GRIN1: variants seen among roughly 807,000 people sequenced by gnomAD.
GRIN1 encodes glutamate receptor ionotropic, NMDA 1.
GRIN1 carries 38 observed loss-of-function variants against 103.0 expected under a neutral mutation model. The observed-to-expected ratio is 0.37, with a 90% CI of 0.28 to 0.48. The LOEUF (loss-of-function observed/expected upper bound fraction) is 0.48. GRIN1 is among the 20% of genes least tolerant of loss of function. GRIN1 has a pLI of 0.98. For missense variants in GRIN1, 577 were observed against 1,288.9 expected (o/e 0.45, Z 8.46); for synonymous variants, 544 against 532.7 (o/e 1.02, Z -0.29).
Position 137,167,844 on chromosome 9 carries a change from G to GC in GRIN1, c.*322dup. On this transcript the variant is annotated 3_prime_UTR_variant, in exon 20 of 20. Coordinates refer to ENST00000371561, the MANE Select transcript of GRIN1 (RefSeq NM_007327.4). ...CCCTCGGTCAGCACCGTGGTGTGAG[G>GC]CCCCCGGAGGCGCCCACCTGCCCAG... The GC allele has an allele frequency of 6.2e-7, 1 of 1,611,560 alleles. No individual in the cohort carries two copies.
In GRIN1 at chr9:137,139,379, C is replaced by T. The variant is rs1045864235; in HGVS notation, c.-108C>T. 2 of 682,286 alleles carry T rather than the reference C, an allele frequency of 2.9e-6. No individual in the cohort carries two copies. Among genetic ancestry groups the T allele is most frequent in the African/African-American group, 1.9e-5 (1 of 52,706 alleles). The allele number at this position is 682,286 out of a possible 1,614,324, so 42.3% of individuals were successfully genotyped here. A position where few individuals can be genotyped will look rare whatever the true frequency, so the allele number is the denominator to read the frequency against. ...GCCGCTCCGGGGGAGACGTGGCGTC[C>T]GCAGCCCGCGGGGCCGGGCGAGCGC... On this transcript the variant is annotated 5_prime_UTR_variant, in exon 1 of 20. Coordinates refer to ENST00000371561, the MANE Select transcript of GRIN1 (RefSeq NM_007327.4). This position sits in a 1 kb window ranked among gnomAD's most constrained non-coding sequence, Gnocchi z 7.7.
chr9:137,152,882 G>A (rs1832984020), intron 4 of GRIN1, among the ~76,000 whole-genome samples: 1 of 151,892 alleles, frequency 6.6e-6, no homozygotes, highest in Non-Finnish European at 1.5e-5. Flanking sequence ...GCAGAATCAT[G>A]TACAGGTCAT....
rs1299963594 is a variant in GRIN1 at position 137,145,868 on chromosome 9, G to A, written c.536G>A (p.Arg179His). ...DDHEGRAAQK[R>H]LETLLEERES... ...CACGAGGGCCGGGCGGCTCAGAAAC[G>A]CCTGGAGACGCTGCTGGAGGAGCGT... The change falls in exon 3 of 20, where the codon CGC becomes CAC. Residue 179 changes from arginine to histidine, a missense_variant. This residue lies in a region of GRIN1 where 308 missense variants were observed against 553.6 expected (regional missense o/e 0.56). Coordinates refer to ENST00000371561, the MANE Select transcript of GRIN1 (RefSeq NM_007327.4). 3.7e-6 allele frequency: 6 copies of A among 1,608,660 alleles called. No homozygotes were observed. The highest frequency in any genetic ancestry group is 1.1e-5 in the South Asian group (1 of 90,026).
intron 18 of GRIN1, chr9:137,164,243 C>T: frequency 5.0e-6 from 2 of 402,056 alleles, no homozygotes; most frequent in South Asian, 4.2e-5. Flanking sequence ...CTGTGTATGG[C>T]ACGTGAGTCC....
chr9:137,158,849 A>G (rs1297609410), intron 8 of GRIN1, 145 bp downstream of exon 8: 1 of 687,904 alleles, frequency 1.5e-6, no homozygotes, highest in South Asian at 1.6e-5. Context: ...GACACCGTCC[A>G]GCACACCTGG....
At chr9:137,144,387 G>T (rs558429127) in intron 2 of GRIN1, among the ~76,000 whole-genome samples, 1 of 151,396 alleles carries the variant, frequency 6.6e-6, no homozygotes, top group South Asian at 2.1e-4. Context: ...GGGCGCGGTG[G>T]CTCACGCCTG....
chr9:137,168,242 G>C lies in GRIN1; in HGVS notation c.*715G>C, dbSNP rs199686964. ...CCAGCTGGCTGGGTCGCCCCTCCTC[G>C]GGCGCCTGCGCTCCTCTGCAGCCTG... On this transcript the variant is annotated 3_prime_UTR_variant, in exon 20 of 20. Transcript: ENST00000371561. 8 of 289,424 alleles carry C rather than the reference G, an allele frequency of 2.8e-5. No individual in the cohort carries two copies. Among genetic ancestry groups the C allele is most frequent in the Non-Finnish European group, 4.6e-5 (7 of 153,034 alleles). The allele number at this position is 289,424 out of a possible 1,614,324, so 17.9% of individuals were successfully genotyped here. A position where few individuals can be genotyped will look rare whatever the true frequency, so the allele number is the denominator to read the frequency against.
rs543160973 is a variant in GRIN1 at position 137,154,432 on chromosome 9, CTTTTTTT to C, written c.672-2204_672-2198del. 1.8e-3 allele frequency among the ~76,000 whole-genome samples: 78 copies of C among 42,988 alleles called. 1 individual carries two copies. Among genetic ancestry groups the C allele is most frequent in the East Asian group, 7.1e-3 (7 of 984 alleles). 28.2% of individuals were successfully genotyped at this position (42,988 alleles called of 152,430 possible). ...CAGCCACCACCCCCAGCTCCAACAA[CTTTTTTT>C]TTTTTTTTTTTTTTTTTTTTTTTTT... On this transcript the variant is annotated intron_variant, in intron 4 of 19. Coordinates refer to ENST00000371561, the MANE Select transcript of GRIN1 (RefSeq NM_007327.4).
Position 137,149,888 on chromosome 9 carries a change from T to G in GRIN1, c.671+779T>G, listed in dbSNP as rs114240150. Among the ~76,000 whole-genome samples, 218 of 152,060 alleles carry G rather than the reference T, an allele frequency of 1.4e-3. 1 individual carries two copies. The highest frequency in any genetic ancestry group is 4.9e-3 in the African/African-American group (205 of 41,470). On this transcript the variant is annotated intron_variant, in intron 4 of 19. Transcript: ENST00000371561. ...CAGCCCAGCCCTCCAGCCCTGCATA[T>G]GGGAAAGAGCCGGCGACACTCTCAG...
Position 137,139,559 on chromosome 9 carries a change from A to C in GRIN1, c.73A>C (p.Lys25Gln). 6.2e-7 allele frequency: 1 copy of C among 1,612,720 alleles called. No homozygotes were observed. Among genetic ancestry groups the C allele is most frequent in the Non-Finnish European group, 8.5e-7 (1 of 1,179,778 alleles). ...CSVARAACDP[K>Q]IVNIGAVLST... ...CGTCGCCCGTGCCGCGTGCGACCCC[A>C]AGATCGTCAACATTGGCGCGGTGCT... The change falls in exon 1 of 20, where the codon AAG becomes CAG. Residue 25 changes from lysine (K) to glutamine (Q), a missense_variant. Transcript: ENST00000371561. This position sits in a 1 kb window ranked among gnomAD's most constrained non-coding sequence, Gnocchi z 7.7.
chr9:137,139,604 C>A lies in GRIN1; in HGVS notation c.118C>A (p.Gln40Lys). 6.2e-7 allele frequency: 1 copy of A among 1,613,690 alleles called. No homozygotes were observed. Among genetic ancestry groups the A allele is most frequent in the Non-Finnish European group, 8.5e-7 (1 of 1,179,952 alleles). Residue 40 changes from glutamine (Q) to lysine (K), a missense_variant, in exon 1 of 20, where the codon CAG (glutamine) becomes AAG (lysine). Around this residue, in one of 9 missense-constraint regions of GRIN1, gnomAD observed 308 missense variants for 553.6 expected, o/e 0.56. Coordinates refer to ENST00000371561, the MANE Select transcript of GRIN1 (RefSeq NM_007327.4). This position sits in a 1 kb window ranked among gnomAD's most constrained non-coding sequence, Gnocchi z 7.7. ...GGTGCTGAGCACGCGGAAGCACGAG[C>A]AGATGTTCCGCGAGGCCGTGAACCA... ...GAVLSTRKHE[Q>K]MFREAVNQAN...
chr9:137,147,343 G>A (rs926853588), intron 3 of GRIN1, among the ~76,000 whole-genome samples: 4 of 151,468 alleles, frequency 2.6e-5, no homozygotes, highest in African/African-American at 7.3e-5. Flanking sequence ...CTGGACACAC[G>A]CTCAGGTGCG....
At chr9:137,165,906 G>A (rs1031939934) in intron 19 of GRIN1, among the ~76,000 whole-genome samples, 2 of 152,310 alleles carry the variant, frequency 1.3e-5, no homozygotes, top group South Asian at 2.1e-4. Flanking sequence ...GCTGGGGGCC[G>A]GGCCTGGGTC....
intron 4 of GRIN1, among the ~76,000 whole-genome samples, chr9:137,155,598 CAA>C (rs5901118): frequency 0.23 from 35,465 of 152,104 alleles, 5,390 homozygotes; most frequent in Non-Finnish European, 0.33. Context: ...TCTGGAGAAG[CAA>C]AGTGTCAGGG....
rs187286419 is a variant in GRIN1, at chr9:137,154,020, C to T, written c.672-2649C>T. ...AGAGATGAGGTTTCACCATGTTGGCCAGGCTGGTCTTGAACTCCTGACCTC... is the reference window on the plus strand; with the variant it reads ...AGAGATGAGGTTTCACCATGTTGGCTAGGCTGGTCTTGAACTCCTGACCTC... On this transcript the variant is annotated intron_variant, in intron 4 of 19. Coordinates refer to ENST00000371561, the MANE Select transcript of GRIN1 (RefSeq NM_007327.4). Among the ~76,000 whole-genome samples the T allele has an allele frequency of 1.1e-4, 16 of 151,714 alleles. 1 individual carries two copies. The East Asian group carries it at 2.9e-3, about 28-fold the overall frequency.
intron 4 of GRIN1, among the ~76,000 whole-genome samples, chr9:137,154,102 GTGCC>G (rs1223025133): frequency 1.4e-5 from 2 of 146,664 alleles, no homozygotes; most frequent in Admixed American, 1.4e-4. Flanking sequence ...ATGAGCCACC[GTGCC>G]TGCCTTTTTT....
chr9:137,158,047 T>A (rs1833333560), intron 6 of GRIN1, among the ~76,000 whole-genome samples: 1 of 152,222 alleles, frequency 6.6e-6, no homozygotes, highest in South Asian at 2.1e-4. Context: ...CTTCTGAGCT[T>A]CTGCCTCCGT....
chr9:137,161,003 C>T (rs1833506146), intron 8 of GRIN1, 53 bp from the exon 9 acceptor site: 2 of 1,610,532 alleles, frequency 1.2e-6, no homozygotes, highest in Non-Finnish European at 1.7e-6. Context: ...GAGACTGCCG[C>T]CCTGGGCAGC....
intron 4 of GRIN1, among the ~76,000 whole-genome samples, chr9:137,152,158 G>A (rs1464412406): frequency 1.3e-5 from 2 of 151,986 alleles, no homozygotes; most frequent in African/African-American, 4.8e-5. Flanking sequence ...TGCCCGCCTC[G>A]GCCTCCCAAA....
Sources: gnomAD v4.1 joint callset for allele counts (sites outside exome capture counted in the v4.1 genomes callset) on GRCh38, gnomAD v4.1.1 for gene constraint, gnomAD v4.1.1 regional missense constraint, Gnocchi (gnomAD v3.1) non-coding constraint, MANE v1.5 for transcripts, NCBI Gene and HGNC (gene_info 2026-07-23, HGNC 2026-07-21) for gene names.